PRKAB1: variants seen among roughly 807,000 people sequenced by gnomAD.
PRKAB1 encodes the protein protein kinase AMP-activated non-catalytic subunit beta 1, also known as 5'-AMP-activated protein kinase subunit beta-1.
A neutral mutation model predicts 32.0 loss-of-function variants in PRKAB1; 18 were observed. The ratio of observed to expected loss-of-function variants is 0.56; its 90% CI spans 0.39 to 0.83. The LOEUF (loss-of-function observed/expected upper bound fraction) is 0.83, where lower values mean the gene tolerates loss of function less well. PRKAB1 is among the 40% of genes least tolerant of loss of function. The pLI is 0.00. For synonymous variants in PRKAB1, 141 were observed against 141.4 expected, an observed-to-expected ratio of 1.00 and a Z score of 0.02; for missense variants, 263 against 352.6, an observed-to-expected ratio of 0.75 and a Z score of 2.03.
intron 1 of PRKAB1, among the ~76,000 whole-genome samples, chr12:119,668,616 AG>A (rs1593328567): frequency 6.6e-6 from 1 of 152,224 alleles, no homozygotes. Context: ...AGTCACCCTG[AG>A]GGAGGAGGTG....
At chr12:119,676,699 T>C (rs749874985) in intron 5 of PRKAB1, 29 bp downstream of exon 5, 1 of 1,609,610 alleles carries the variant, frequency 6.2e-7, no homozygotes, top group Non-Finnish European at 8.5e-7. Context: ...GCCCGGACCA[T>C]CCGCCGTGGG....
chr12:119,671,822 A>G (rs966809970), intron 1 of PRKAB1, among the ~76,000 whole-genome samples: 3 of 152,218 alleles, frequency 2.0e-5, no homozygotes, highest in African/African-American at 7.2e-5. Flanking sequence ...TGTGTACTTA[A>G]ATGTATCTAA....
chr12:119,679,847 C>T lies in PRKAB1; in HGVS notation c.667-86C>T. ...GGTCGGCCTGAGCGCTGCCTCCTGT[C>T]CTTTGATATCTGGCACTGGGAAGTA... On this transcript the variant is annotated intron_variant, in intron 5 of 6. Transcript: ENST00000229328. This position sits in a 1 kb window ranked among gnomAD's most constrained non-coding sequence, Gnocchi z 4.1. The T allele has an allele frequency of 7.0e-7, 1 of 1,429,750 alleles. No individual in the cohort carries two copies. The highest frequency in any genetic ancestry group is 1.2e-5 in the South Asian group (1 of 86,908). 88.6% of individuals were successfully genotyped at this position (1,429,750 alleles called of 1,614,324 possible). A position where few individuals can be genotyped will look rare whatever the true frequency, so the allele number is the denominator to read the frequency against.
At position 119,679,987 on chromosome 12, in the gene PRKAB1, G is replaced by C; in HGVS notation, c.721G>C (p.Ala241Pro). Residue 241 changes from alanine (A) to proline (P), a missense_variant, in exon 6 of 7, where the codon GCG (alanine) becomes CCG (proline). Physicochemically the swap from Ala to Pro is conservative, Grantham distance 27. Coordinates refer to ENST00000229328, the MANE Select transcript of PRKAB1 (RefSeq NM_006253.5). The surrounding 1 kb of genome is among the most constrained non-coding windows in gnomAD (Gnocchi z 4.1). Reference protein sequence around the residue: ...PNHVMLNHLYALSIKDGVMVL... With the variant: ...PNHVMLNHLYPLSIKDGVMVL... ...TCACGTCATGCTGAACCACCTATACGCGCTGTCTATCAAGGTAATGACATG... is the reference window on the plus strand; with the variant it reads ...TCACGTCATGCTGAACCACCTATACCCGCTGTCTATCAAGGTAATGACATG... The C allele has an allele frequency of 1.2e-6, 2 of 1,613,486 alleles. No individual in the cohort carries two copies. Among genetic ancestry groups the C allele is most frequent in the Non-Finnish European group, 1.7e-6 (2 of 1,179,474 alleles).
In PRKAB1 at chr12:119,672,433, A is replaced by G; in HGVS notation, c.292A>G (p.Asn98Asp). The G allele has an allele frequency of 1.9e-6, 3 of 1,600,736 alleles. No homozygotes were observed. Among genetic ancestry groups the G allele is most frequent in the Non-Finnish European group, 2.6e-6 (3 of 1,173,126 alleles). The part of the protein sequence containing the change: ...GKEVYLSGSF[N>D]NWSKLPLTRS... ...GGAAGTTTACTTATCTGGGTCCTTC[A>G]ACAACTGGAGTAAACTTCCCCTCAC... Residue 98 changes from asparagine (N) to aspartate (D), a missense_variant, in exon 2 of 7, where the codon AAC becomes GAC. Transcript: ENST00000229328.
In PRKAB1 at chr12:119,679,872, A is replaced by C. The variant is rs1479687340; in HGVS notation, c.667-61A>C. 6.5e-6 allele frequency: 10 copies of C among 1,546,620 alleles called. No individual in the cohort carries two copies. Among genetic ancestry groups the C allele is most frequent in the Admixed American group, 1.7e-5 (1 of 59,888 alleles). ...CCTTTGATATCTGGCACTGGGAAGT[A>C]AAGGGGAGAATCTTGGTTTCCAAAT... On this transcript the variant is annotated intron_variant, in intron 5 of 6. Coordinates refer to ENST00000229328, the MANE Select transcript of PRKAB1 (RefSeq NM_006253.5). The surrounding 1 kb of genome is among the most constrained non-coding windows in gnomAD (Gnocchi z 4.1).
In PRKAB1 at chr12:119,673,918, G is replaced by A. The variant is rs1358730838; in HGVS notation, c.324-46G>A. 1.9e-6 allele frequency: 3 copies of A among 1,539,174 alleles called. No individual in the cohort carries two copies. The Admixed American group carries it at 5.4e-5, about 28-fold the overall frequency. Reference sequence around the variant, plus strand: ...AGCTGGTTTGGCAAGTAAGCTCGGGGGGCAGCCCACCCCACGGAAGTCCTC... The same window carrying A: ...AGCTGGTTTGGCAAGTAAGCTCGGGAGGCAGCCCACCCCACGGAAGTCCTC... On this transcript the variant is annotated intron_variant, in intron 2 of 6. Transcript: ENST00000229328.
intron 4 of PRKAB1, 28 bp from the exon 5 acceptor site, chr12:119,676,509 G>C: frequency 1.3e-6 from 2 of 1,573,100 alleles, no homozygotes. Flanking sequence ...GATTTTCAAA[G>C]TAAAGTCCTG....
At chr12:119,670,269 A>G (rs149280062) in intron 1 of PRKAB1, among the ~76,000 whole-genome samples, 44 of 152,324 alleles carry the variant, frequency 2.9e-4, no homozygotes, top group African/African-American at 1.1e-3. Context: ...TCTGCCCAAC[A>G]TACCCTGTTA....
Position 119,679,713 on chromosome 12 carries a change from C to T in PRKAB1, c.667-220C>T. 1 of 551,924 alleles carries T rather than the reference C, an allele frequency of 1.8e-6. No homozygotes were observed. The highest frequency in any genetic ancestry group is 3.3e-6 in the Non-Finnish European group (1 of 303,932). 34.2% of individuals were successfully genotyped at this position (551,924 alleles called of 1,614,324 possible). Reference sequence around the variant, plus strand: ...GTAAATGCCTGGCCAGAGACACACACCGATGCCTCCAGCAGGCATGCAGGG... The same window carrying T: ...GTAAATGCCTGGCCAGAGACACACATCGATGCCTCCAGCAGGCATGCAGGG... On this transcript the variant is annotated intron_variant, in intron 5 of 6. Transcript: ENST00000229328. This position sits in a 1 kb window ranked among gnomAD's most constrained non-coding sequence, Gnocchi z 4.1.
chr12:119,678,098 T>G (rs1418306557), intron 5 of PRKAB1: 1 of 152,222 alleles, frequency 6.6e-6, no homozygotes, highest in African/African-American at 2.4e-5. Flanking sequence ...GAGGCATCAC[T>G]AGCCATCTTC....
At chr12:119,675,043 G>A (rs543470458) in intron 4 of PRKAB1, among the ~76,000 whole-genome samples, 1 of 152,314 alleles carries the variant, frequency 6.6e-6, no homozygotes, top group East Asian at 1.9e-4. Context: ...TTCAGGCATC[G>A]AGGTTTCAAT....
chr12:119,668,309 G>A lies in PRKAB1; in HGVS notation c.65G>A (p.Arg22Lys), dbSNP rs61756440. 5 of 1,612,850 alleles carry A rather than the reference G, an allele frequency of 3.1e-6. No homozygotes were observed. Among genetic ancestry groups the A allele is most frequent in the South Asian group, 1.1e-5 (1 of 90,834 alleles). ...CATGGTGGCCATAAGACGCCCCGGAGGGACAGCTCGGGGGGCACCAAGGAC... is the reference window on the plus strand; with the variant it reads ...CATGGTGGCCATAAGACGCCCCGGAAGGACAGCTCGGGGGGCACCAAGGAC... ...ERHGGHKTPR[R>K]DSSGGTKDGD... is the part of the protein sequence containing the mutation. The change falls in exon 1 of 7, where the codon AGG becomes AAG. Residue 22 changes from arginine to lysine, a missense_variant. Physicochemically the swap from Arg to Lys is conservative, Grantham distance 26. Coordinates refer to ENST00000229328, the MANE Select transcript of PRKAB1 (RefSeq NM_006253.5).
At chr12:119,671,480 G>T in intron 1 of PRKAB1, 1 of 374,774 alleles carries the variant, frequency 2.7e-6, no homozygotes, top group Non-Finnish European at 5.5e-6. Flanking sequence ...CATGGTAAAA[G>T]GCACCTCTTC....
rs575683175 is a variant in PRKAB1 at position 119,680,610 on chromosome 12, C to A, written c.*285C>A. 2.1e-3 allele frequency: 967 copies of A among 460,698 alleles called. 3 individuals are homozygous for A. Among genetic ancestry groups the A allele is most frequent in the South Asian group, 4.6e-3 (142 of 31,196 alleles). 28.5% of individuals were successfully genotyped at this position (460,698 alleles called of 1,614,324 possible). A position where few individuals can be genotyped will look rare whatever the true frequency, so the allele number is the denominator to read the frequency against. On this transcript the variant is annotated 3_prime_UTR_variant, in exon 7 of 7. Coordinates refer to ENST00000229328, the MANE Select transcript of PRKAB1 (RefSeq NM_006253.5). ...CAGAGGATCTGCAGCCCTGGCCCCGCGGTGCATGAGGCTGGGTGCAGTTCT... is the reference window on the plus strand; with the variant it reads ...CAGAGGATCTGCAGCCCTGGCCCCGAGGTGCATGAGGCTGGGTGCAGTTCT...
chr12:119,675,216 T>C (rs568279425), intron 4 of PRKAB1, among the ~76,000 whole-genome samples: 6 of 152,356 alleles, frequency 3.9e-5, no homozygotes, highest in Non-Finnish European at 7.3e-5. Context: ...CCTGGCAGAA[T>C]ATCTGGCGCC....
intron 1 of PRKAB1, 43 bp downstream of exon 1, chr12:119,668,446 TGAG>T (rs1315698137): frequency 1.9e-6 from 3 of 1,601,510 alleles, no homozygotes; most frequent in African/African-American, 2.7e-5. Context: ...TGACTAATGT[TGAG>T]GAGAGGAACC....
intron 4 of PRKAB1, among the ~76,000 whole-genome samples, chr12:119,676,159 T>A (rs1955422512): frequency 6.6e-6 from 1 of 152,172 alleles, no homozygotes; most frequent in Non-Finnish European, 1.5e-5. Context: ...AGCTACTCAA[T>A]CCTCACTTAG....
intron 2 of PRKAB1, 93 bp from the exon 3 acceptor site, chr12:119,673,871 A>G: frequency 9.7e-7 from 1 of 1,028,938 alleles, no homozygotes; most frequent in Non-Finnish European, 1.4e-6. Context: ...TCTTGGTTTT[A>G]TGTGGAAACG....
Sources: allele counts gnomAD v4.1 joint callset (sites outside exome capture counted in the v4.1 genomes callset), GRCh38; gene constraint gnomAD v4.1.1; non-coding constraint Gnocchi (gnomAD v3.1); transcripts MANE v1.5; gene names NCBI Gene and HGNC (gene_info 2026-07-23, HGNC 2026-07-21).